Variants in PPM1H observed in about 807,000 individuals in gnomAD.
The protein encoded by PPM1H is protein phosphatase 1H.
Under a neutral mutation model 54.9 loss-of-function variants are expected in PPM1H, and 27 were observed. The observed-to-expected ratio is 0.49, with a 90% CI of 0.36 to 0.68. The LOEUF (loss-of-function observed/expected upper bound fraction) is 0.68. Among genes scored for constraint, PPM1H ranks in the 30% least tolerant of loss-of-function variants. PPM1H has a pLI of 0.00. For synonymous variants in PPM1H, 305 were observed against 270.8 expected (o/e 1.13, Z -1.24); for missense variants, 596 against 667.8 (o/e 0.89, Z 1.19).
chr12:62,784,581 T>C (rs1185570197), intron 4 of PPM1H, among the ~76,000 whole-genome samples: 1 of 152,246 alleles, frequency 6.6e-6, no homozygotes, highest in African/African-American at 2.4e-5. Flanking sequence ...ACTTAGCCCT[T>C]CATTAATCAG....
chr12:62,664,003 A>T (rs2075902354), intron 9 of PPM1H, among the ~76,000 whole-genome samples: 1 of 152,142 alleles, frequency 6.6e-6, no homozygotes, highest in Admixed American at 6.6e-5. Flanking sequence ...AAAAAAAAAA[A>T]AAAAAATTAT....
At chr12:62,840,461 T>G (rs764450863) in intron 1 of PPM1H, among the ~76,000 whole-genome samples, 4 of 152,094 alleles carry the variant, frequency 2.6e-5, no homozygotes, top group Non-Finnish European at 5.9e-5. Flanking sequence ...AAAACTACAA[T>G]TTGCTTGAAT....
chr12:62,791,556 A>T (rs2076701368), intron 3 of PPM1H, among the ~76,000 whole-genome samples: 1 of 152,246 alleles, frequency 6.6e-6, no homozygotes, highest in South Asian at 2.1e-4. Context: ...AGCTACAGAG[A>T]CTATTTTTTC....
chr12:62,920,704 C>G (rs1871769046), intron 1 of PPM1H, among the ~76,000 whole-genome samples: 2 of 151,924 alleles, frequency 1.3e-5, no homozygotes, highest in Non-Finnish European at 2.9e-5. Flanking sequence ...CCTGCTTTCA[C>G]TGGCACCCTC....
chr12:62,677,041 C>T (rs1592537813), intron 8 of PPM1H, among the ~76,000 whole-genome samples: 1 of 152,126 alleles, frequency 6.6e-6, no homozygotes, highest in East Asian at 1.9e-4. Context: ...GTAAAAACCC[C>T]AGACTCAGCC....
Position 62,749,062 on chromosome 12 carries a change from C to T in PPM1H, c.870-11476G>A, listed in dbSNP as rs191705873. On this transcript the variant is annotated intron_variant, in intron 4 of 9. Coordinates refer to ENST00000228705, the MANE Select transcript of PPM1H (RefSeq NM_020700.2). The stretch of plus-strand genomic sequence containing the variant: ...CAATTTAGATTCTAAGTAATATAAA[C>T]CAAACACAGAAGCACCAGGATGGGA... Among the ~76,000 whole-genome samples the T allele has an allele frequency of 1.2e-4, 19 of 152,268 alleles. No individual in the cohort carries two copies. The East Asian group carries it at 1.7e-3, about 14-fold the overall frequency.
intron 6 of PPM1H, among the ~76,000 whole-genome samples, chr12:62,707,044 A>C (rs994519536): frequency 6.6e-6 from 1 of 152,192 alleles, no homozygotes; most frequent in Non-Finnish European, 1.5e-5. Context: ...TTTCATACCT[A>C]GGTGCCCAGT....
intron 1 of PPM1H, among the ~76,000 whole-genome samples, chr12:62,843,723 T>C (rs75361320): frequency 0.046 from 7,044 of 152,280 alleles, 526 homozygotes; most frequent in African/African-American, 0.16. Flanking sequence ...TCAGTCTTTT[T>C]TAAAAAGTAC....
At chr12:62,712,049 C>T (rs1321638964) in intron 6 of PPM1H, among the ~76,000 whole-genome samples, 2 of 152,210 alleles carry the variant, frequency 1.3e-5, no homozygotes, top group East Asian at 1.9e-4. Context: ...TGAAAAGATG[C>T]AGAACATGCA....
intron 4 of PPM1H, among the ~76,000 whole-genome samples, chr12:62,780,114 T>C (rs976792056): frequency 6.6e-6 from 1 of 152,232 alleles, no homozygotes; most frequent in Non-Finnish European, 1.5e-5. Context: ...GTACTTACTA[T>C]GGACAAAGTA....
intron 1 of PPM1H, among the ~76,000 whole-genome samples, chr12:62,920,696 T>C (rs1055282574): frequency 6.6e-6 from 1 of 152,036 alleles, no homozygotes; most frequent in African/African-American, 2.4e-5. Flanking sequence ...TTCCCATTCC[T>C]GCTTTCACTG....
intron 2 of PPM1H, among the ~76,000 whole-genome samples, chr12:62,827,014 A>C (rs1868298594): frequency 6.6e-6 from 1 of 152,130 alleles, no homozygotes; most frequent in South Asian, 2.1e-4. Flanking sequence ...TGTTTCTGTT[A>C]CACACTTTTA....
At chr12:62,883,934 AGTATTCT>A (rs1442896436) in intron 1 of PPM1H, among the ~76,000 whole-genome samples, 14 of 144,022 alleles carry the variant, frequency 9.7e-5, no homozygotes, top group African/African-American at 3.8e-4. Context: ...TTAGATTCTC[AGTATTCT>A]GTTACAGCTT....
At chr12:62,690,968 C>T (rs1442846813) in intron 7 of PPM1H, among the ~76,000 whole-genome samples, 1 of 151,910 alleles carries the variant, frequency 6.6e-6, no homozygotes, top group East Asian at 1.9e-4. Context: ...GAGACTCAGT[C>T]TCAAACCAAC....
In PPM1H at chr12:62,702,671, G is replaced by C. The variant is rs78677675; in HGVS notation, c.1074-8672C>G. On this transcript the variant is annotated intron_variant, in intron 6 of 9. Coordinates refer to ENST00000228705, the MANE Select transcript of PPM1H (RefSeq NM_020700.2). ...GAGAGGAACGTGATCCCCTCCGGGGGGTATAACAGGGGACCCTATTATGCT... is the reference window on the plus strand; with the variant it reads ...GAGAGGAACGTGATCCCCTCCGGGGCGTATAACAGGGGACCCTATTATGCT... Among the ~76,000 whole-genome samples, 1,126 of 152,252 alleles carry C rather than the reference G, an allele frequency of 7.4e-3. 12 individuals are homozygous for C. The highest frequency in any genetic ancestry group is 0.026 in the African/African-American group (1,066 of 41,562).
At chr12:62,778,367 A>G (rs2076622678) in intron 4 of PPM1H, among the ~76,000 whole-genome samples, 1 of 152,216 alleles carries the variant, frequency 6.6e-6, no homozygotes, top group African/African-American at 2.4e-5. Flanking sequence ...GTAAAGTCAC[A>G]TAACTGGGTT....
At chr12:62,663,865 C>A (rs1355516008) in intron 9 of PPM1H, among the ~76,000 whole-genome samples, 1 of 152,176 alleles carries the variant, frequency 6.6e-6, no homozygotes, top group East Asian at 1.9e-4. Flanking sequence ...GTGGCACATG[C>A]CTGTAATCCC....
At chr12:62,815,018 C>T (rs2076857303) in intron 2 of PPM1H, among the ~76,000 whole-genome samples, 1 of 152,178 alleles carries the variant, frequency 6.6e-6, no homozygotes, top group South Asian at 2.1e-4. Context: ...TCCAGTTTTC[C>T]ATCTGATCCT....
chr12:62,802,194 G>C, intron 2 of PPM1H, 34 bp from the exon 3 acceptor site: 2 of 1,495,938 alleles, frequency 1.3e-6, no homozygotes, highest in Non-Finnish European at 1.8e-6. Context: ...GAGTGAGAAC[G>C]GCTGTGGACT....
Sources: allele counts gnomAD v4.1 joint callset (sites outside exome capture counted in the v4.1 genomes callset), GRCh38; gene constraint gnomAD v4.1.1; transcripts MANE v1.5; gene names NCBI Gene and HGNC (gene_info 2026-07-23, HGNC 2026-07-21).